Variants in ATP2C1 observed in about 807,000 individuals in gnomAD.
ATP2C1 encodes the protein ATPase secretory pathway Ca2+ transporting 1, also known as calcium-transporting ATPase type 2C member 1.
A neutral mutation model predicts 120.5 loss-of-function variants in ATP2C1; 31 were observed. The ratio of observed to expected loss-of-function variants is 0.26; its 90% CI spans 0.19 to 0.35. ATP2C1 has a LOEUF of 0.35. Ranked by LOEUF, ATP2C1 falls within the 10% of genes least tolerant of loss-of-function variation. ATP2C1 has a pLI of 1.00. For synonymous variants in ATP2C1, 351 were observed against 358.7 expected, an observed-to-expected ratio of 0.98 and a Z score of 0.24; for missense variants, 731 against 1,107.5, an observed-to-expected ratio of 0.66 and a Z score of 4.83.
intron 11 of ATP2C1, among the ~76,000 whole-genome samples, chr3:130,956,782 T>C (rs1371947735): frequency 6.6e-6 from 1 of 152,184 alleles, no homozygotes; most frequent in African/African-American, 2.4e-5. Flanking sequence ...GAGTTCTCAT[T>C]ATTTGATTTC....
chr3:130,900,199 A>T (rs1168147322), intron 2 of ATP2C1, among the ~76,000 whole-genome samples: 1 of 152,030 alleles, frequency 6.6e-6, no homozygotes, highest in Non-Finnish European at 1.5e-5. Context: ...AGTAGCTGGG[A>T]TTATAAGCAC....
intron 2 of ATP2C1, among the ~76,000 whole-genome samples, chr3:130,918,019 T>C (rs1484203504): frequency 6.6e-6 from 1 of 152,180 alleles, no homozygotes; most frequent in Non-Finnish European, 1.5e-5. Flanking sequence ...GTAAAAGAAA[T>C]GGTTCCCAAA....
chr3:131,015,301 T>A, intron 26 of ATP2C1: 1 of 681,302 alleles, frequency 1.5e-6, no homozygotes. Context: ...CCCACAGAGT[T>A]TACATCTGAG....
chr3:130,990,083 C>CT (rs149582635), intron 20 of ATP2C1, among the ~76,000 whole-genome samples: 1 of 152,170 alleles, frequency 6.6e-6, no homozygotes, highest in East Asian at 1.9e-4. Context: ...GAAAATAATA[C>CT]TTTTTTTATT....
intron 1 of ATP2C1, among the ~76,000 whole-genome samples, chr3:130,877,821 G>A (rs147196130): frequency 0.1 from 15,269 of 152,104 alleles, 877 homozygotes; most frequent in Non-Finnish European, 0.13. Flanking sequence ...TCATGCTGCT[G>A]TAAAGACACA....
At chr3:130,950,832 C>G (rs1313326140) in intron 8 of ATP2C1, among the ~76,000 whole-genome samples, 2 of 151,650 alleles carry the variant, frequency 1.3e-5, no homozygotes, top group East Asian at 3.9e-4. Context: ...AGGTTGCTGA[C>G]AGAGCCATGA....
At chr3:130,989,247 C>CAA (rs71133625) in intron 20 of ATP2C1, among the ~76,000 whole-genome samples, 1,461 of 121,752 alleles carry the variant, frequency 0.012, 27 homozygotes, top group African/African-American at 0.026. Flanking sequence ...AAATCCATCT[C>CAA]AAAAAAAAAA....
chr3:130,950,653 G>T (rs1457236359), intron 8 of ATP2C1, among the ~76,000 whole-genome samples: 3 of 152,232 alleles, frequency 2.0e-5, no homozygotes, highest in East Asian at 1.9e-4. Context: ...TTGGGACATT[G>T]TAAGATTTAG....
At chr3:130,919,257 T>C in intron 2 of ATP2C1, 1 of 172,614 alleles carries the variant, frequency 5.8e-6, no homozygotes, top group Non-Finnish European at 1.2e-5. Flanking sequence ...AGAGTTTTGC[T>C]CTTTTCGCCG....
intron 1 of ATP2C1, chr3:130,868,379 G>T (rs1268620014): frequency 2.9e-5 from 4 of 138,864 alleles, no homozygotes; most frequent in African/African-American, 1.1e-4. Flanking sequence ...GAGGTGGGGG[G>T]GTCAGCCCCC....
intron 1 of ATP2C1, among the ~76,000 whole-genome samples, chr3:130,857,148 C>T (rs1183856293): frequency 6.6e-6 from 1 of 152,138 alleles, no homozygotes. Context: ...GTAATGACAA[C>T]CTTTTCCTCT....
intron 20 of ATP2C1, among the ~76,000 whole-genome samples, chr3:130,990,768 G>A (rs2062296092): frequency 6.6e-6 from 1 of 152,126 alleles, no homozygotes; most frequent in African/African-American, 2.4e-5. Context: ...TTGAATTCTG[G>A]ATATATTTGT....
chr3:130,931,463 C>G (rs1280390376), intron 3 of ATP2C1, among the ~76,000 whole-genome samples: 1 of 151,870 alleles, frequency 6.6e-6, no homozygotes, highest in African/African-American at 2.4e-5. Context: ...TAATACCAAC[C>G]CCAGGGTTTT....
intron 1 of ATP2C1, among the ~76,000 whole-genome samples, chr3:130,876,990 T>C (rs2068625288): frequency 6.6e-6 from 1 of 152,234 alleles, no homozygotes; most frequent in African/African-American, 2.4e-5. Flanking sequence ...TGTTTATTCG[T>C]TCTAAAAGTA....
chr3:130,869,409 C>T (rs1395283274), intron 1 of ATP2C1: 2 of 116,208 alleles, frequency 1.7e-5, no homozygotes, highest in Non-Finnish European at 3.3e-5. Flanking sequence ...GAGAAACACC[C>T]AAGAATGATC....
chr3:130,886,923 T>G (rs1053421788), intron 1 of ATP2C1, among the ~76,000 whole-genome samples: 1 of 152,174 alleles, frequency 6.6e-6, no homozygotes, highest in African/African-American at 2.4e-5. Context: ...CATTGAAATG[T>G]TAGGTATTTA....
intron 8 of ATP2C1, among the ~76,000 whole-genome samples, chr3:130,945,877 GGGT>G (rs1194840342): frequency 6.6e-6 from 1 of 151,074 alleles, no homozygotes; most frequent in Non-Finnish European, 1.5e-5. Context: ...AACAGCGTGA[GGGT>G]CAGATGGAAA....
chr3:130,910,655 G>A (rs1484528769), intron 2 of ATP2C1, among the ~76,000 whole-genome samples: 1 of 28,792 alleles, frequency 3.5e-5, no homozygotes, highest in Non-Finnish European at 9.3e-5. Context: ...TTTTTAGCAT[G>A]AAGCGTTGTT....
intron 1 of ATP2C1, among the ~76,000 whole-genome samples, chr3:130,877,302 TG>T (rs1047216978): frequency 2.0e-5 from 3 of 152,168 alleles, no homozygotes; most frequent in Non-Finnish European, 4.4e-5. Context: ...ATCTTTCAAT[TG>T]GGGGGATTTA....
Sources: gnomAD v4.1 joint callset for allele counts (sites outside exome capture counted in the v4.1 genomes callset) on GRCh38, gnomAD v4.1.1 for gene constraint, MANE v1.5 for transcripts, NCBI Gene and HGNC (gene_info 2026-07-23, HGNC 2026-07-21) for gene names.